Variants in XNDC1N observed in about 807,000 individuals in gnomAD.
XNDC1N encodes protein XNDC1N.
chr11:71,910,612 T>C, the XNDC1N span, among the ~76,000 whole-genome samples: 2 of 152,144 alleles, frequency 1.3e-5, no homozygotes, highest in South Asian at 4.1e-4. Flanking sequence ...CACCGGCACC[T>C]GGAGGACTGT....
At chr11:71,868,265 C>T in the XNDC1N span, among the ~76,000 whole-genome samples, 1 of 152,154 alleles carries the variant, frequency 6.6e-6, no homozygotes, top group African/African-American at 2.4e-5. Flanking sequence ...TTAAGTAGGG[C>T]ATTTAGTCCA....
chr11:71,875,591 T>C, the XNDC1N span, among the ~76,000 whole-genome samples: 1 of 151,930 alleles, frequency 6.6e-6, no homozygotes, highest in African/African-American at 2.4e-5. Context: ...GCATAGAGAC[T>C]ATGATTTTCC....
At chr11:71,892,909 A>G in the XNDC1N span, among the ~76,000 whole-genome samples, 1 of 152,218 alleles carries the variant, frequency 6.6e-6, no homozygotes, top group East Asian at 1.9e-4. Flanking sequence ...CAGAAAACCG[A>G]AGGATGATGA....
chr11:71,911,706 A>G, the XNDC1N span, among the ~76,000 whole-genome samples: 3 of 152,188 alleles, frequency 2.0e-5, no homozygotes, highest in Non-Finnish European at 4.4e-5. Context: ...ACTCTGGGGG[A>G]AAAGGCACAA....
chr11:71,879,790 T>C, the XNDC1N span, among the ~76,000 whole-genome samples: 4 of 152,274 alleles, frequency 2.6e-5, no homozygotes, highest in African/African-American at 9.6e-5. Flanking sequence ...CTAATTTTTG[T>C]CTCTATGTAT....
chr11:71,878,008 A>C, the XNDC1N span, among the ~76,000 whole-genome samples: 1 of 152,248 alleles, frequency 6.6e-6, no homozygotes, highest in African/African-American at 2.4e-5. Flanking sequence ...TCTGTTTATA[A>C]TTCCATTGCT....
the XNDC1N span, among the ~76,000 whole-genome samples, chr11:71,896,827 G>C: frequency 6.6e-6 from 1 of 152,218 alleles, no homozygotes; most frequent in East Asian, 1.9e-4. Context: ...GCCTCCCAAA[G>C]GGCTGGGATT....
the XNDC1N span, among the ~76,000 whole-genome samples, chr11:71,921,657 C>T: frequency 6.6e-6 from 1 of 152,094 alleles, no homozygotes; most frequent in Non-Finnish European, 1.5e-5. Flanking sequence ...ACCCTTTTAA[C>T]TGAAATCTTA....
At chr11:71,870,563 T>C in the XNDC1N span, among the ~76,000 whole-genome samples, 1 of 152,146 alleles carries the variant, frequency 6.6e-6, no homozygotes, top group Non-Finnish European at 1.5e-5. Flanking sequence ...AATAAAAAGC[T>C]TATGCACACC....
At chr11:71,900,375 C>T in the XNDC1N span, among the ~76,000 whole-genome samples, 1 of 152,072 alleles carries the variant, frequency 6.6e-6, no homozygotes, top group African/African-American at 2.4e-5. Context: ...GGGCAGGCCA[C>T]CCCTTCAAGT....
the XNDC1N span, among the ~76,000 whole-genome samples, chr11:71,926,340 C>T: frequency 4.6e-5 from 7 of 152,134 alleles, no homozygotes; most frequent in African/African-American, 1.7e-4. Context: ...GCTTGTAGTT[C>T]TCACAAGATT....
the XNDC1N span, among the ~76,000 whole-genome samples, chr11:71,921,003 T>C: frequency 2.0e-5 from 3 of 152,060 alleles, no homozygotes; most frequent in Non-Finnish European, 4.4e-5. Flanking sequence ...TCTTCTTCTT[T>C]TTTTTTAGAG....
the XNDC1N span, among the ~76,000 whole-genome samples, chr11:71,873,862 T>C: frequency 2.6e-5 from 4 of 152,350 alleles, no homozygotes; most frequent in Middle Eastern, 0.01. Context: ...TAATTTGATT[T>C]AATTTGCATT....
At chr11:71,901,063 T>C in the XNDC1N span, among the ~76,000 whole-genome samples, 1 of 151,632 alleles carries the variant, frequency 6.6e-6, no homozygotes, top group Non-Finnish European at 1.5e-5. Context: ...GGTGCCACAA[T>C]CACTGTGTCA....
chr11:71,885,770 C>T, the XNDC1N span, among the ~76,000 whole-genome samples: 1 of 151,810 alleles, frequency 6.6e-6, no homozygotes, highest in South Asian at 2.1e-4. Context: ...ATAAAGTTTT[C>T]AGATTATTAA....
chr11:71,882,213 TA>T, the XNDC1N span, among the ~76,000 whole-genome samples: 10,200 of 143,426 alleles, frequency 0.071, 367 homozygotes, highest in Non-Finnish European at 0.09. Context: ...TTTAAAATGT[TA>T]AAAAAAAAAA....
At chr11:71,913,591 A>G in the XNDC1N span, among the ~76,000 whole-genome samples, 8,336 of 149,752 alleles carry the variant, frequency 0.056, 271 homozygotes, top group African/African-American at 0.1. Context: ...CCTGGGAGGC[A>G]GAGGTTGTGG....
At chr11:71,894,065 T>C in the XNDC1N span, 3 of 528,788 alleles carry the variant, frequency 5.7e-6, no homozygotes, top group South Asian at 1.7e-5. Context: ...AGCATATTCA[T>C]GCATTTCCAT....
the XNDC1N span, among the ~76,000 whole-genome samples, chr11:71,890,852 G>A: frequency 6.6e-6 from 1 of 151,972 alleles, no homozygotes; most frequent in South Asian, 2.1e-4. Flanking sequence ...TGCGACCTTT[G>A]CTGTCATAGA....
Sources: allele counts gnomAD v4.1 joint callset (sites outside exome capture counted in the v4.1 genomes callset), GRCh38; gene constraint gnomAD v4.1.1; transcripts MANE v1.5; gene names NCBI Gene and HGNC (gene_info 2026-07-23, HGNC 2026-07-21).